The following CCL17 variants were observed in gnomAD, a reference collection of about 807,000 sequenced individuals.
The protein encoded by CCL17 is C-C motif chemokine ligand 17.
Under a neutral mutation model 7.4 loss-of-function variants are expected in CCL17, and 8 were observed. The observed-to-expected ratio is 1.09, with a 90% CI of 0.64 to 1.96. The LOEUF is 1.96. Ranked by LOEUF, CCL17 falls within the 30% of genes most tolerant of loss-of-function variation. CCL17 has a pLI of 0.00. For missense variants in CCL17, 102 were observed against 113.0 expected, an observed-to-expected ratio of 0.90 and a Z score of 0.44; for synonymous variants, 40 against 46.1, an observed-to-expected ratio of 0.87 and a Z score of 0.54.
chr16:57,403,614 AT>A (rs1272569763), upstream of CCL17, among the ~76,000 whole-genome samples: 2 of 70,612 alleles, frequency 2.8e-5, no homozygotes, highest in African/African-American at 5.6e-5. Context: ...TATAATATAT[AT>A]TTATAATATA....
upstream of CCL17, among the ~76,000 whole-genome samples, chr16:57,400,683 C>G (rs1902579905): frequency 6.6e-6 from 1 of 152,018 alleles, no homozygotes; most frequent in South Asian, 2.1e-4. Flanking sequence ...CAGAAATTTA[C>G]CCGGGCCGGG....
chr16:57,415,080 G>C lies in CCL17; in HGVS notation c.71-1G>C. 1 of 1,609,112 alleles carries C rather than the reference G, an allele frequency of 6.2e-7. No individual in the cohort carries two copies. The highest frequency in any genetic ancestry group is 1.3e-5 in the African/African-American group (1 of 74,894). ...CCCCTGCCCCGCTCCTCTCCCTGCAGCTCGAGGGACCAATGTGGGCCGGGA... is the reference window on the plus strand; with the variant it reads ...CCCCTGCCCCGCTCCTCTCCCTGCACCTCGAGGGACCAATGTGGGCCGGGA... On this transcript the variant is annotated splice_acceptor_variant, in intron 2 of 3. Coordinates refer to ENST00000219244, the MANE Select transcript of CCL17 (RefSeq NM_002987.3). LOFTEE classifies it high-confidence loss of function. The surrounding 1 kb of genome is among the most constrained non-coding windows in gnomAD (Gnocchi z 4.5).
chr16:57,409,137 C>T (rs571450304), intron 1 of CCL17, among the ~76,000 whole-genome samples: 2 of 152,276 alleles, frequency 1.3e-5, no homozygotes, highest in East Asian at 3.9e-4. Context: ...CTAGCAATCA[C>T]AATACAATAT....
intron 1 of CCL17, among the ~76,000 whole-genome samples, chr16:57,408,030 CATCT>C (rs376062007): frequency 1.1e-3 from 168 of 150,460 alleles, no homozygotes; most frequent in African/African-American, 3.9e-3. Context: ...CCCATCCATC[CATCT>C]ATTTATTCTT....
At chr16:57,409,457 C>T (rs571451591) in intron 1 of CCL17, among the ~76,000 whole-genome samples, 10 of 152,080 alleles carry the variant, frequency 6.6e-5, no homozygotes, top group Non-Finnish European at 7.4e-5. Context: ...CTGAGAGTAA[C>T]GGGGAGGCAT....
At chr16:57,397,581 G>T in the CCL17 span, among the ~76,000 whole-genome samples, 1 of 152,290 alleles carries the variant, frequency 6.6e-6, no homozygotes, top group East Asian at 1.9e-4. Context: ...GATGGCTTCA[G>T]CAGTGTAAGA....
At chr16:57,399,152 G>A in the CCL17 span, among the ~76,000 whole-genome samples, 1 of 152,200 alleles carries the variant, frequency 6.6e-6, no homozygotes, top group Non-Finnish European at 1.5e-5. Context: ...AGGACTCTCT[G>A]AGTGCCAGAG....
the CCL17 span, among the ~76,000 whole-genome samples, chr16:57,398,495 T>C: frequency 5.3e-5 from 8 of 152,348 alleles, no homozygotes; most frequent in Admixed American, 3.3e-4. Flanking sequence ...TAGATGGCCC[T>C]CTGGGTCTCC....
upstream of CCL17, among the ~76,000 whole-genome samples, chr16:57,403,129 A>T (rs549994048): frequency 1.5e-3 from 160 of 104,950 alleles, 1 homozygote; most frequent in African/African-American, 4.7e-3. Context: ...TAATATATAT[A>T]ATATATATTA....
chr16:57,410,812 G>A lies in CCL17; in HGVS notation c.-59-3062G>A, dbSNP rs373934000. Among the ~76,000 whole-genome samples, 4 of 152,252 alleles carry A rather than the reference G, an allele frequency of 2.6e-5. No homozygotes were observed. The South Asian group carries it at 6.2e-4, about 24-fold the overall frequency. On this transcript the variant is annotated intron_variant, in intron 1 of 3. Coordinates refer to ENST00000219244, the MANE Select transcript of CCL17 (RefSeq NM_002987.3). ...ACACTGGGCCCTTTGCATCCATCTC[G>A]CCTTCCCTTCCTTCAGTCCTGTGTT...
chr16:57,400,287 A>T (rs1017025027), upstream of CCL17, among the ~76,000 whole-genome samples: 3 of 152,174 alleles, frequency 2.0e-5, no homozygotes, highest in East Asian at 5.8e-4. Flanking sequence ...TGAACCCGAG[A>T]GGCGGAGCTT....
upstream of CCL17, among the ~76,000 whole-genome samples, chr16:57,402,241 T>C (rs223892): frequency 0.22 from 33,449 of 151,058 alleles, 6,015 homozygotes; most frequent in African/African-American, 0.51. Flanking sequence ...CCAGGTGGCA[T>C]TGTGCGACGT....
At chr16:57,411,778 C>T (rs1902788196) in intron 1 of CCL17, among the ~76,000 whole-genome samples, 1 of 152,232 alleles carries the variant, frequency 6.6e-6, no homozygotes, top group Non-Finnish European at 1.5e-5. Context: ...GGCTCTGTCT[C>T]CAGGTCAGGG....
At chr16:57,403,459 ATATAT>A (rs1902634205), upstream of CCL17, among the ~76,000 whole-genome samples, 5 of 2,922 alleles carry the variant, frequency 1.7e-3, no homozygotes, top group African/African-American at 2.8e-3. Flanking sequence ...ATATTATAAT[ATATAT>A]TATATTATAT....
At position 57,415,121 on chromosome 16, in the gene CCL17, C is replaced by T; in HGVS notation, c.111C>T (p.Tyr37=). 1 of 1,614,018 alleles carries T rather than the reference C, an allele frequency of 6.2e-7. No homozygotes were observed. The highest frequency in any genetic ancestry group is 8.5e-7 in the Non-Finnish European group (1 of 1,179,894). The stretch of plus-strand genomic sequence containing the variant: ...TGGGCCGGGAGTGCTGCCTGGAGTA[C>T]TTCAAGGGAGCCATTCCCCTTAGAA... The part of the protein sequence containing the change: ...TNVGRECCLE[Y]FKGAIPLRKL... Residue 37 remains tyrosine (Y), a synonymous_variant, in exon 3 of 4, where the codon TAC becomes TAT. Coordinates refer to ENST00000219244, the MANE Select transcript of CCL17 (RefSeq NM_002987.3). This position sits in a 1 kb window ranked among gnomAD's most constrained non-coding sequence, Gnocchi z 4.5.
the CCL17 span, among the ~76,000 whole-genome samples, chr16:57,398,875 G>T: frequency 6.6e-6 from 1 of 152,216 alleles, no homozygotes; most frequent in African/African-American, 2.4e-5. Context: ...GAGATCTTGG[G>T]CCAGTGCCTG....
intron 1 of CCL17, among the ~76,000 whole-genome samples, chr16:57,413,154 C>T (rs1461091778): frequency 2.0e-5 from 3 of 152,346 alleles, no homozygotes; most frequent in African/African-American, 7.2e-5. Flanking sequence ...TAGTGTAAGG[C>T]ATCCCATTTA....
upstream of CCL17, among the ~76,000 whole-genome samples, chr16:57,401,896 C>T (rs1037456706): frequency 4.7e-4 from 71 of 152,162 alleles, no homozygotes; most frequent in African/African-American, 1.4e-3. Flanking sequence ...CACTCCTTCT[C>T]TGTCTTCACT....
chr16:57,400,400 CAG>C (rs1251509151), upstream of CCL17, among the ~76,000 whole-genome samples: 3 of 151,018 alleles, frequency 2.0e-5, no homozygotes, highest in Non-Finnish European at 4.4e-5. Flanking sequence ...AGGAACTAGA[CAG>C]GGGCAATGAA....
Sources: allele counts gnomAD v4.1 joint callset (sites outside exome capture counted in the v4.1 genomes callset), GRCh38; gene constraint gnomAD v4.1.1; non-coding constraint Gnocchi (gnomAD v3.1); transcripts MANE v1.5; gene names NCBI Gene and HGNC (gene_info 2026-07-23, HGNC 2026-07-21).